The following KMT5B variants were observed in gnomAD, a reference collection of about 807,000 sequenced individuals.
KMT5B encodes lysine methyltransferase 5B.
In KMT5B, 10 loss-of-function variants were observed where a neutral mutation model predicts 83.2. The ratio of observed to expected loss-of-function variants is 0.12; its 90% CI spans 0.07 to 0.20. The LOEUF (loss-of-function observed/expected upper bound fraction) is 0.20. Ranked by LOEUF, KMT5B falls within the 10% of genes least tolerant of loss-of-function variation. The pLI, the probability that KMT5B is intolerant of heterozygous loss-of-function variation, is 1.00. For synonymous variants in KMT5B, 349 were observed against 388.8 expected, an observed-to-expected ratio of 0.90 and a Z score of 1.20; for missense variants, 753 against 1,067.2, an observed-to-expected ratio of 0.71 and a Z score of 4.10.
In KMT5B at chr11:68,185,931, G is replaced by A. The variant is rs779190144; in HGVS notation, c.161-3C>T. The A allele has an allele frequency of 1.9e-6, 3 of 1,569,680 alleles. No homozygotes were observed. The highest frequency in any genetic ancestry group is 2.6e-6 in the Non-Finnish European group (3 of 1,157,204). ...TTCAAATCCCGAGTTACCATTACCT[G>A]TGAAAAGCAAAAGCAAGAAAAATTA... On this transcript the variant is annotated splice_region_variant and splice_polypyrimidine_tract_variant and intron_variant, in intron 2 of 10. Transcript: ENST00000304363.
intron 4 of KMT5B, chr11:68,176,698 T>A (rs1437088240): frequency 6.6e-6 from 1 of 152,122 alleles, no homozygotes; most frequent in African/African-American, 2.4e-5. Context: ...GGCAGGGGAA[T>A]TGCTTGAACT....
At chr11:68,186,282 A>G (rs778410856) in intron 2 of KMT5B, among the ~76,000 whole-genome samples, 11 of 152,308 alleles carry the variant, frequency 7.2e-5, no homozygotes, top group Non-Finnish European at 1.6e-4. Flanking sequence ...GACAATACAC[A>G]GGGCCATTAC....
chr11:68,173,011 T>C (rs866587662), intron 6 of KMT5B, among the ~76,000 whole-genome samples: 1 of 152,252 alleles, frequency 6.6e-6, no homozygotes, highest in Middle Eastern at 3.4e-3. Context: ...TTCTCTTTCA[T>C]CTGTAACTTT....
At position 68,158,598 on chromosome 11, in the gene KMT5B, G is replaced by A. The variant is rs1859474624; in HGVS notation, c.1748C>T (p.Pro583Leu). The part of the protein sequence containing the change: ...PDSGEQLQPA[P>L]VLQEEELAHE... The stretch of plus-strand genomic sequence containing the variant: ...AGCCAGTTCTTCCTCCTGCAGCACA[G>A]GAGCTGGCTGCAGCTGTTCACCACT... The change falls in exon 11 of 11, where the codon CCT becomes CTT. Residue 583 changes from proline to leucine, a missense_variant. By Grantham distance (98) the Pro-to-Leu change is moderately conservative. Transcript: ENST00000304363. The A allele has an allele frequency of 1.9e-6, 3 of 1,614,064 alleles. No homozygotes were observed. In the African/African-American group the frequency reaches 4.0e-5, roughly 22 times the overall value.
At chr11:68,180,330 T>TGATAATC (rs1379782049) in intron 3 of KMT5B, 130 bp from the exon 4 acceptor site, 13 of 1,277,146 alleles carry the variant, frequency 1.0e-5, no homozygotes, top group Admixed American at 4.7e-5. Context: ...TCAAGAACTT[T>TGATAATC]AAGATACCAC....
intron 1 of KMT5B, among the ~76,000 whole-genome samples, chr11:68,205,686 T>C (rs1797567536): frequency 6.6e-6 from 1 of 150,928 alleles, no homozygotes. Context: ...AGTGGCATGA[T>C]CTCAGCTCAC....
chr11:68,192,005 A>G (rs1858143240), intron 1 of KMT5B, among the ~76,000 whole-genome samples: 2 of 152,220 alleles, frequency 1.3e-5, no homozygotes, highest in South Asian at 4.1e-4. Flanking sequence ...AACAAATAAT[A>G]TTGTGTTACC....
chr11:68,181,247 G>C (rs1396726127), intron 3 of KMT5B, among the ~76,000 whole-genome samples: 1 of 151,912 alleles, frequency 6.6e-6, no homozygotes, highest in Non-Finnish European at 1.5e-5. Flanking sequence ...GCTAATTTTT[G>C]TATTTTTAGT....
intron 4 of KMT5B, chr11:68,179,538 CTG>C: frequency 7.7e-7 from 1 of 1,304,208 alleles, no homozygotes; most frequent in Non-Finnish European, 1.0e-6. Context: ...TGTCTCCCCA[CTG>C]TGGCAGTGAA....
At chr11:68,179,533 C>T in intron 4 of KMT5B, 1 of 1,304,186 alleles carries the variant, frequency 7.7e-7, no homozygotes. Context: ...TTTTCTGTCT[C>T]CCCACTGTGG....
chr11:68,203,312 A>C (rs1192060902), intron 1 of KMT5B, among the ~76,000 whole-genome samples: 1 of 152,242 alleles, frequency 6.6e-6, no homozygotes, highest in Non-Finnish European at 1.5e-5. Context: ...GCACAAGACC[A>C]GACATAGGTC....
intron 5 of KMT5B, 172 bp from the exon 6 acceptor site, chr11:68,174,085 T>A (rs574240653): frequency 4.5e-6 from 3 of 662,686 alleles, no homozygotes; most frequent in Non-Finnish European, 8.3e-6. Context: ...TGATGGCATG[T>A]ACCTTTAGTG....
At chr11:68,177,743 G>C (rs766852083) in intron 4 of KMT5B, among the ~76,000 whole-genome samples, 3 of 152,122 alleles carry the variant, frequency 2.0e-5, no homozygotes, top group Non-Finnish European at 4.4e-5. Flanking sequence ...ACAGATAAAT[G>C]CAAGTCCTTT....
At chr11:68,163,851 G>A (rs1301945529) in intron 10 of KMT5B, among the ~76,000 whole-genome samples, 2 of 152,220 alleles carry the variant, frequency 1.3e-5, no homozygotes, top group Non-Finnish European at 2.9e-5. Flanking sequence ...TGACAGGGCA[G>A]GAGTGAGGAG....
At chr11:68,165,087 C>G (rs540056264) in intron 10 of KMT5B, among the ~76,000 whole-genome samples, 2 of 152,254 alleles carry the variant, frequency 1.3e-5, no homozygotes, top group South Asian at 4.2e-4. Context: ...AGCTATACAC[C>G]AGTAATAAAG....
chr11:68,166,449 G>C (rs1855329979), intron 10 of KMT5B: 2 of 1,000,782 alleles, frequency 2.0e-6, no homozygotes, highest in Non-Finnish European at 1.2e-6. Flanking sequence ...TGTTCAAAAT[G>C]CTCCTCTATC....
At chr11:68,170,988 G>A (rs1414514411) in intron 9 of KMT5B, 27 bp downstream of exon 9, 1 of 1,563,496 alleles carries the variant, frequency 6.4e-7, no homozygotes, top group South Asian at 1.2e-5. Flanking sequence ...AAAATGTTTA[G>A]GCTGAACATT....
In KMT5B at chr11:68,157,155, G is replaced by C. The variant is rs569314755; in HGVS notation, c.*533C>G. On this transcript the variant is annotated 3_prime_UTR_variant, in exon 11 of 11. Coordinates refer to ENST00000304363, the MANE Select transcript of KMT5B (RefSeq NM_017635.5). ...ACCAATGGTTTGCGATATTAACAAA[G>C]GCCACAAACAGTACACCTGGGCCAG... 4.7e-5 allele frequency: 7 copies of C among 149,592 alleles called. No homozygotes were observed. The highest frequency in any genetic ancestry group is 1.7e-4 in the African/African-American group (7 of 40,546). 9.3% of individuals were successfully genotyped at this position (149,592 alleles called of 1,614,324 possible). A position where few individuals can be genotyped will look rare whatever the true frequency, so the allele number is the denominator to read the frequency against.
chr11:68,172,478 G>A (rs183874511), intron 6 of KMT5B, among the ~76,000 whole-genome samples: 132 of 151,452 alleles, frequency 8.7e-4, no homozygotes, highest in African/African-American at 3.1e-3. Flanking sequence ...GTCATGATCC[G>A]CCCACCTCAG....
Sources: gnomAD v4.1 joint callset for allele counts (sites outside exome capture counted in the v4.1 genomes callset) on GRCh38, gnomAD v4.1.1 for gene constraint, MANE v1.5 for transcripts, NCBI Gene and HGNC (gene_info 2026-07-23, HGNC 2026-07-21) for gene names.